Variants in SCAPER observed in about 807,000 individuals in gnomAD.
SCAPER encodes the protein S phase cyclin A-associated protein in the endoplasmic reticulum.
Under a neutral mutation model 182.2 loss-of-function variants are expected in SCAPER, and 98 were observed. The observed-to-expected ratio is 0.54, with a 90% CI of 0.46 to 0.64. The LOEUF (loss-of-function observed/expected upper bound fraction) is 0.64, where lower values mean the gene tolerates loss of function less well. Among genes scored for constraint, SCAPER ranks in the 30% least tolerant of loss-of-function variants. SCAPER has a pLI of 0.00. For synonymous variants in SCAPER, 605 were observed against 564.6 expected (o/e 1.07, Z -1.01); for missense variants, 1,432 against 1,690.0 (o/e 0.85, Z 2.68).
In SCAPER at chr15:76,478,606, T is replaced by C. The variant is rs187138282; in HGVS notation, c.2955-7271A>G. Among the ~76,000 whole-genome samples, 31 of 152,286 alleles carry C rather than the reference T, an allele frequency of 2.0e-4. 1 individual carries two copies. The highest frequency in any genetic ancestry group is 7.2e-4 in the African/African-American group (30 of 41,590). On this transcript the variant is annotated intron_variant, in intron 24 of 31. Transcript: ENST00000563290. Reference sequence around the variant, plus strand: ...GTTTTCTAATTCACTGCTGATTCATTTAGAATTTATTTTGGTGTGTTGTGT... The same window carrying C: ...GTTTTCTAATTCACTGCTGATTCATCTAGAATTTATTTTGGTGTGTTGTGT...
chr15:76,374,509 A>G (rs1469153596), intron 29 of SCAPER, among the ~76,000 whole-genome samples: 1 of 144,870 alleles, frequency 6.9e-6, no homozygotes, highest in Non-Finnish European at 1.5e-5. Flanking sequence ...TTTTAGACAG[A>G]GTTTTGCTCG....
At chr15:76,454,514 TAAAC>T (rs889446662) in intron 25 of SCAPER, among the ~76,000 whole-genome samples, 8 of 152,206 alleles carry the variant, frequency 5.3e-5, no homozygotes, top group Non-Finnish European at 1.0e-4. Flanking sequence ...TTCCCTTGCT[TAAAC>T]AAAGATTTTA....
At chr15:76,841,155 T>C (rs768754395) in intron 5 of SCAPER, among the ~76,000 whole-genome samples, 3 of 152,202 alleles carry the variant, frequency 2.0e-5, no homozygotes, top group Admixed American at 1.3e-4. Flanking sequence ...CAGAACTATG[T>C]GTCAAGACAG....
intron 23 of SCAPER, among the ~76,000 whole-genome samples, chr15:76,555,105 A>AT (rs2046096345): frequency 6.6e-6 from 1 of 152,136 alleles, no homozygotes; most frequent in East Asian, 1.9e-4. Context: ...CTTAAAAAAA[A>AT]CTTCAATAAA....
chr15:76,485,833 T>C (rs944176454), intron 24 of SCAPER, among the ~76,000 whole-genome samples: 24 of 152,350 alleles, frequency 1.6e-4, no homozygotes, highest in Middle Eastern at 3.4e-3. Flanking sequence ...GCTAGCCATA[T>C]GCAGAAGACT....
chr15:76,455,626 C>A (rs1053857876), intron 25 of SCAPER, among the ~76,000 whole-genome samples: 10 of 152,082 alleles, frequency 6.6e-5, no homozygotes, highest in Admixed American at 5.9e-4. Context: ...AGATGTACAC[C>A]ACCACACCTA....
At chr15:76,531,186 A>ATG (rs1265562111) in intron 23 of SCAPER, among the ~76,000 whole-genome samples, 1 of 152,314 alleles carries the variant, frequency 6.6e-6, no homozygotes, top group East Asian at 1.9e-4. Flanking sequence ...ATGAATATAT[A>ATG]TTAGCAAAAG....
chr15:76,566,086 A>C (rs1402554064), intron 23 of SCAPER, among the ~76,000 whole-genome samples: 1 of 152,098 alleles, frequency 6.6e-6, no homozygotes, highest in Non-Finnish European at 1.5e-5. Context: ...ATCTGAACAC[A>C]GTTTTCTGAA....
rs763419840 is a variant in SCAPER, at chr15:76,864,574, C to T, written c.7-2041G>A. 3.9e-5 allele frequency among the ~76,000 whole-genome samples: 6 copies of T among 151,918 alleles called. 1 individual carries two copies. Among genetic ancestry groups the T allele is most frequent in the Non-Finnish European group, 5.9e-5 (4 of 67,988 alleles). On this transcript the variant is annotated intron_variant, in intron 2 of 31. Coordinates refer to ENST00000563290, the MANE Select transcript of SCAPER (RefSeq NM_020843.4). ...GGGAATATGTGAAGAAAAAGCAATA[C>T]ATTATTTTCAAATGAAGGAAATTAA...
intron 8 of SCAPER, among the ~76,000 whole-genome samples, chr15:76,788,742 T>G (rs1304393777): frequency 6.6e-6 from 1 of 152,238 alleles, no homozygotes; most frequent in African/African-American, 2.4e-5. Context: ...AAGTGCTTTA[T>G]TATGAAAGTT....
chr15:76,481,880 C>T (rs1439173934), intron 24 of SCAPER, among the ~76,000 whole-genome samples: 2 of 152,222 alleles, frequency 1.3e-5, no homozygotes, highest in African/African-American at 4.8e-5. Flanking sequence ...AGTTCCCCTC[C>T]ATTCCTCTAT....
intron 24 of SCAPER, among the ~76,000 whole-genome samples, chr15:76,487,937 CCTATAAT>C (rs1330537066): frequency 1.3e-5 from 2 of 152,112 alleles, no homozygotes; most frequent in African/African-American, 4.8e-5. Flanking sequence ...ATACTTCCAA[CCTATAAT>C]CTGGTCCGAA....
At chr15:76,379,695 T>C (rs573721763) in intron 28 of SCAPER, 10 of 152,118 alleles carry the variant, frequency 6.6e-5, no homozygotes, top group Non-Finnish European at 1.2e-4. Flanking sequence ...TTTTTTTCTT[T>C]TCCTTTTTTT....
At chr15:76,625,799 G>A (rs936343932) in intron 21 of SCAPER, among the ~76,000 whole-genome samples, 5 of 152,046 alleles carry the variant, frequency 3.3e-5, no homozygotes, top group Admixed American at 6.6e-5. Flanking sequence ...TGGGGATCAC[G>A]CACTTCTTTC....
intron 1 of SCAPER, among the ~76,000 whole-genome samples, chr15:76,897,954 A>T (rs953325388): frequency 6.6e-6 from 1 of 152,058 alleles, no homozygotes; most frequent in Non-Finnish European, 1.5e-5. Context: ...TAAGTAGGAG[A>T]TGTATATTTC....
chr15:76,535,773 G>A (rs537466226), intron 23 of SCAPER, among the ~76,000 whole-genome samples: 5 of 152,164 alleles, frequency 3.3e-5, no homozygotes, highest in Admixed American at 2.0e-4. Context: ...TCTTGTTAAG[G>A]TAGATCAGTT....
chr15:76,884,341 T>C (rs898836656), intron 1 of SCAPER, among the ~76,000 whole-genome samples: 3 of 152,254 alleles, frequency 2.0e-5, no homozygotes, highest in East Asian at 1.9e-4. Flanking sequence ...CTGTGTAACT[T>C]TCCTTAAGAA....
intron 7 of SCAPER, among the ~76,000 whole-genome samples, chr15:76,795,819 T>C (rs1330717687): frequency 6.6e-6 from 1 of 152,210 alleles, no homozygotes; most frequent in Non-Finnish European, 1.5e-5. Context: ...CCCAGCACCC[T>C]GGGAAGCCAA....
At chr15:76,692,647 C>A (rs2058423375) in intron 20 of SCAPER, among the ~76,000 whole-genome samples, 1 of 146,152 alleles carries the variant, frequency 6.8e-6, no homozygotes, top group Non-Finnish European at 1.5e-5. Flanking sequence ...CAAGATCATA[C>A]CACTGCACTC....
Sources: allele counts gnomAD v4.1 joint callset (sites outside exome capture counted in the v4.1 genomes callset), GRCh38; gene constraint gnomAD v4.1.1; transcripts MANE v1.5; gene names NCBI Gene and HGNC (gene_info 2026-07-23, HGNC 2026-07-21).